SEMA5A: variants seen among roughly 807,000 people sequenced by gnomAD.
The protein encoded by SEMA5A is semaphorin 5A, also known as semaphorin-5A.
SEMA5A carries 55 observed loss-of-function variants against 135.5 expected under a neutral mutation model. That is an observed-to-expected ratio of 0.41 (90% CI 0.33 to 0.51). SEMA5A has a LOEUF of 0.51. Ranked by LOEUF, SEMA5A falls within the 20% of genes least tolerant of loss-of-function variation. The pLI, the probability that SEMA5A is intolerant of heterozygous loss-of-function variation, is 0.37. For synonymous variants in SEMA5A, 580 were observed against 546.5 expected (o/e 1.06, Z -0.85); for missense variants, 1,290 against 1,419.9 (o/e 0.91, Z 1.47).
intron 5 of SEMA5A, among the ~76,000 whole-genome samples, chr5:9,284,957 C>T (rs1215671629): frequency 6.6e-6 from 1 of 152,132 alleles, no homozygotes; most frequent in Non-Finnish European, 1.5e-5. Flanking sequence ...CCTTAGCCAG[C>T]CAGATAAACT....
intron 11 of SEMA5A, among the ~76,000 whole-genome samples, chr5:9,184,946 G>A (rs1036757089): frequency 6.6e-6 from 1 of 151,456 alleles, no homozygotes; most frequent in African/African-American, 2.4e-5. Context: ...TTTCCTTTTT[G>A]AGACAGCATC....
chr5:9,294,767 A>C (rs928403602), intron 5 of SEMA5A, among the ~76,000 whole-genome samples: 2 of 152,200 alleles, frequency 1.3e-5, no homozygotes, highest in African/African-American at 4.8e-5. Context: ...CCAATAATCC[A>C]GCCCCATTTT....
intron 16 of SEMA5A, among the ~76,000 whole-genome samples, chr5:9,090,580 A>G (rs1738976890): frequency 6.6e-6 from 1 of 152,228 alleles, no homozygotes; most frequent in Non-Finnish European, 1.5e-5. Flanking sequence ...GCTGGCCTCA[A>G]ACCTGAAACA....
At chr5:9,390,588 G>T (rs373909457) in intron 2 of SEMA5A, among the ~76,000 whole-genome samples, 1 of 152,030 alleles carries the variant, frequency 6.6e-6, no homozygotes, top group Non-Finnish European at 1.5e-5. Context: ...GAATAACACG[G>T]TGTATATCTG....
Position 9,368,529 on chromosome 5 carries a change from A to AAAATC in SEMA5A, c.124+11289_124+11293dup, listed in dbSNP as rs760987360. 2.2e-4 allele frequency among the ~76,000 whole-genome samples: 34 copies of AAAATC among 152,340 alleles called. 1 individual carries two copies. Among genetic ancestry groups the AAAATC allele is most frequent in the Middle Eastern group, 3.4e-3 (1 of 294 alleles). ...ATATAGAATATTTGCAGCAACTCAA[A>AAAATC]AAATCTCTCGTACACCTTGCAGTCA... is the stretch of plus-strand genomic sequence containing the variant. On this transcript the variant is annotated intron_variant, in intron 3 of 22. Transcript: ENST00000382496.
At chr5:9,046,861 A>C (rs1736287026) in intron 21 of SEMA5A, among the ~76,000 whole-genome samples, 1 of 152,210 alleles carries the variant, frequency 6.6e-6, no homozygotes, top group African/African-American at 2.4e-5. Flanking sequence ...ATTCCTGACC[A>C]CTGAAGTGCC....
chr5:9,200,858 C>T (rs1745666179), intron 9 of SEMA5A, among the ~76,000 whole-genome samples: 1 of 152,140 alleles, frequency 6.6e-6, no homozygotes, highest in Non-Finnish European at 1.5e-5. Flanking sequence ...AATTAAAATA[C>T]TTAGGAAGCA....
chr5:9,090,443 G>A (rs906347563), intron 16 of SEMA5A, among the ~76,000 whole-genome samples: 2 of 152,142 alleles, frequency 1.3e-5, no homozygotes, highest in Non-Finnish European at 2.9e-5. Context: ...GAAAAATGCC[G>A]TGAAAGTTTA....
chr5:9,234,321 G>T (rs768319344), intron 6 of SEMA5A, among the ~76,000 whole-genome samples: 1 of 152,138 alleles, frequency 6.6e-6, no homozygotes, highest in African/African-American at 2.4e-5. Context: ...CCAGGAGCTG[G>T]GCTTGGTCAG....
At chr5:9,468,163 C>T (rs941429404) in intron 1 of SEMA5A, among the ~76,000 whole-genome samples, 1 of 152,198 alleles carries the variant, frequency 6.6e-6, no homozygotes, top group African/African-American at 2.4e-5. Flanking sequence ...GGGAAAGAGA[C>T]TCTCATGATT....
chr5:9,235,103 G>T (rs1747828058), intron 6 of SEMA5A, among the ~76,000 whole-genome samples: 1 of 152,094 alleles, frequency 6.6e-6, no homozygotes. Context: ...TGTAAATTAT[G>T]GACTTCCAGA....
At chr5:9,044,731 C>T in intron 21 of SEMA5A, 147 bp from the exon 22 acceptor site, 1 of 646,436 alleles carries the variant, frequency 1.5e-6, no homozygotes, top group Non-Finnish European at 2.7e-6. Context: ...AAGAGTCTTT[C>T]ATTGGAAATG....
At chr5:9,330,836 A>G (rs1561154513) in intron 4 of SEMA5A, among the ~76,000 whole-genome samples, 1 of 152,210 alleles carries the variant, frequency 6.6e-6, no homozygotes, top group Non-Finnish European at 1.5e-5. Flanking sequence ...AAACCTTTAA[A>G]CCCTAAAGTG....
chr5:9,372,662 A>C (rs1168630635), intron 3 of SEMA5A, among the ~76,000 whole-genome samples: 2 of 152,126 alleles, frequency 1.3e-5, no homozygotes, highest in Non-Finnish European at 2.9e-5. Context: ...GCATGGAGCC[A>C]TGAGACACAC....
intron 8 of SEMA5A, among the ~76,000 whole-genome samples, chr5:9,216,421 A>T (rs1746632756): frequency 6.6e-6 from 1 of 152,176 alleles, no homozygotes; most frequent in African/African-American, 2.4e-5. Flanking sequence ...GGTCAATTTT[A>T]AAGTATGTAC....
chr5:9,205,113 C>A (rs761945305), intron 8 of SEMA5A, among the ~76,000 whole-genome samples: 3 of 152,040 alleles, frequency 2.0e-5, no homozygotes, highest in Non-Finnish European at 2.9e-5. Context: ...AAAAAGAAAA[C>A]AATCAAAAGC....
At chr5:9,509,845 C>G (rs1191982608) in intron 1 of SEMA5A, among the ~76,000 whole-genome samples, 1 of 152,184 alleles carries the variant, frequency 6.6e-6, no homozygotes, top group African/African-American at 2.4e-5. Context: ...ACCCCCTCTT[C>G]TAGGAAATGG....
At chr5:9,291,605 AAGAGAGAG>A (rs113178598) in intron 5 of SEMA5A, among the ~76,000 whole-genome samples, 1 of 126,676 alleles carries the variant, frequency 7.9e-6, no homozygotes, top group African/African-American at 2.6e-5. Flanking sequence ...GAGAGAGAGA[AAGAGAGAG>A]AGAGAGAGAA....
At position 9,154,618 on chromosome 5, in the gene SEMA5A, A is replaced by G. The variant is rs780713525; in HGVS notation, c.1351T>C (p.Phe451Leu). 4.3e-6 allele frequency: 7 copies of G among 1,613,870 alleles called. No individual in the cohort carries two copies. The highest frequency in any genetic ancestry group is 4.2e-6 in the Non-Finnish European group (5 of 1,179,920). The change falls in exon 12 of 23, where the codon TTC (phenylalanine) becomes CTC (leucine). Residue 451 changes from phenylalanine (F) to leucine (L), a missense_variant. Transcript: ENST00000382496. ...SSCLLEEIEL[F>L]PERRREPIRS... ...ATGGGCTCCCTCCGCCTCTCAGGGA[A>G]GAGCTCAATCTCTTCCAGCAAACAG... is the stretch of plus-strand genomic sequence containing the variant.
Sources: gnomAD v4.1 joint callset for allele counts (sites outside exome capture counted in the v4.1 genomes callset) on GRCh38, gnomAD v4.1.1 for gene constraint, MANE v1.5 for transcripts, NCBI Gene and HGNC (gene_info 2026-07-23, HGNC 2026-07-21) for gene names.